Variants in DOCK8 observed in about 807,000 individuals in gnomAD.
The protein encoded by DOCK8 is dedicator of cytokinesis 8, also known as dedicator of cytokinesis protein 8.
A neutral mutation model predicts 245.6 loss-of-function variants in DOCK8; 141 were observed. The ratio of observed to expected loss-of-function variants is 0.57; its 90% CI spans 0.50 to 0.66. DOCK8 has a LOEUF of 0.66. DOCK8 is among the 30% of genes least tolerant of loss of function. The probability of loss-of-function intolerance (pLI) is 0.00; values close to 1 mark genes in which losing one functional copy is unlikely to be tolerated. For synonymous variants in DOCK8, 1,168 were observed against 970.2 expected, an observed-to-expected ratio of 1.20 and a Z score of -3.79; for missense variants, 2,965 against 2,603.4, an observed-to-expected ratio of 1.14 and a Z score of -3.02.
At chr9:433,827 C>A (rs554741742) in intron 37 of DOCK8, 48 bp from the exon 38 acceptor site, 3 of 1,464,334 alleles carry the variant, frequency 2.0e-6, no homozygotes, top group East Asian at 2.3e-5. Context: ...TAACTCTTCA[C>A]CTGGGACTAC....
chr9:253,484 A>C (rs2047698038), intron 1 of DOCK8, among the ~76,000 whole-genome samples: 1 of 152,194 alleles, frequency 6.6e-6, no homozygotes, highest in Non-Finnish European at 1.5e-5. Flanking sequence ...CACCTGCAAG[A>C]TTTGTTAGGC....
intron 1 of DOCK8, among the ~76,000 whole-genome samples, chr9:271,109 T>C (rs533378148): frequency 3.9e-5 from 6 of 152,256 alleles, no homozygotes; most frequent in Non-Finnish European, 8.8e-5. Flanking sequence ...AATACAATCA[T>C]TGGGAATTCC....
Position 340,200 on chromosome 9 carries a change from A to G in DOCK8, c.1558A>G (p.Asn520Asp), listed in dbSNP as rs1423486716. Residue 520 changes from asparagine (N) to aspartate (D), a missense_variant, in exon 14 of 48, where the codon AAT becomes GAT. Asn to Asp is a conservative substitution (Grantham distance 23, BLOSUM62 1). This residue lies in a region of DOCK8 where 2,825 missense variants were observed against 2,453.5 expected (regional missense o/e 1.15). Coordinates refer to ENST00000432829, the MANE Select transcript of DOCK8 (RefSeq NM_203447.4). The part of the protein sequence containing the change: ...LEISTAPEII[N>D]CCLTPEMLPV... Reference sequence around the variant, plus strand: ...GATTTCTACAGCTCCAGAGATCATCAATTGCTGTCTGACTCCTGAAATGCT... The same window carrying G: ...GATTTCTACAGCTCCAGAGATCATCGATTGCTGTCTGACTCCTGAAATGCT... 6.2e-7 allele frequency: 1 copy of G among 1,614,010 alleles called. No homozygotes were observed. Among genetic ancestry groups the G allele is most frequent in the Non-Finnish European group, 8.5e-7 (1 of 1,180,016 alleles).
intron 34 of DOCK8, 135 bp downstream of exon 34, chr9:427,116 G>A (rs1232990475): frequency 1.3e-6 from 1 of 768,956 alleles, no homozygotes. Flanking sequence ...AAGTTGAGAA[G>A]TTTACTATTT....
chr9:217,620 G>T (rs1011612958), intron 1 of DOCK8, among the ~76,000 whole-genome samples: 2 of 152,280 alleles, frequency 1.3e-5, no homozygotes, highest in Non-Finnish European at 2.9e-5. Context: ...GTTATGCTAA[G>T]GAGCTTGGCA....
chr9:424,133 A>G (rs2056390744), intron 33 of DOCK8, among the ~76,000 whole-genome samples: 1 of 151,598 alleles, frequency 6.6e-6, no homozygotes, highest in Non-Finnish European at 1.5e-5. Context: ...TGGAAAATTT[A>G]TAATTATAAT....
intron 12 of DOCK8, 119 bp downstream of exon 12, chr9:336,837 G>A: frequency 8.4e-7 from 1 of 1,196,378 alleles, no homozygotes; most frequent in Non-Finnish European, 1.2e-6. Flanking sequence ...CACTCTCTTA[G>A]TTCATTTTCT....
rs1484683898 is a variant in DOCK8 at position 339,753 on chromosome 9, A to G, written c.1517-406A>G. Among the ~76,000 whole-genome samples, 3 of 152,158 alleles carry G rather than the reference A, an allele frequency of 2.0e-5. No individual in the cohort carries two copies. In the East Asian group the frequency reaches 5.8e-4, roughly 29 times the overall value. ...ATTGTCTCGATCTCTTGACCTCGTG[A>G]TCCACCTGCCTCGGCCTCCCAGAGT... On this transcript the variant is annotated intron_variant, in intron 13 of 47. Coordinates refer to ENST00000432829, the MANE Select transcript of DOCK8 (RefSeq NM_203447.4).
intron 1 of DOCK8, among the ~76,000 whole-genome samples, chr9:237,760 G>A (rs1410039582): frequency 6.6e-6 from 1 of 152,088 alleles, no homozygotes; most frequent in Admixed American, 6.5e-5. Flanking sequence ...AAGCAGCCGG[G>A]TTGTTCAGCC....
At position 305,361 on chromosome 9, in the gene DOCK8, C is replaced by G. The variant is rs757968388; in HGVS notation, c.528+657C>G. ...GCAGTGGCACGATCTTGGCTCACTGCAAGCTCCGCCTCCCGGGTTCACGCC... is the reference window on the plus strand; with the variant it reads ...GCAGTGGCACGATCTTGGCTCACTGGAAGCTCCGCCTCCCGGGTTCACGCC... On this transcript the variant is annotated intron_variant, in intron 5 of 47. Coordinates refer to ENST00000432829, the MANE Select transcript of DOCK8 (RefSeq NM_203447.4). 2.0e-5 allele frequency among the ~76,000 whole-genome samples: 3 copies of G among 151,962 alleles called. No homozygotes were observed. In the East Asian group the frequency reaches 5.8e-4, roughly 29 times the overall value.
intron 35 of DOCK8, among the ~76,000 whole-genome samples, chr9:428,887 G>C (rs1232062465): frequency 6.6e-6 from 1 of 152,238 alleles, no homozygotes; most frequent in East Asian, 1.9e-4. Flanking sequence ...AAAATGCCAG[G>C]AAGGTCAGAA....
Position 348,098 on chromosome 9 carries a change from C to G in DOCK8, c.1679+7777C>G, listed in dbSNP as rs1285957461. ...GGATTTTATTCTAGCCTGTCAGTTT[C>G]TGCCTCCTTTCATTAGTAAGTCCTG... On this transcript the variant is annotated intron_variant, in intron 14 of 47. Coordinates refer to ENST00000432829, the MANE Select transcript of DOCK8 (RefSeq NM_203447.4). Among the ~76,000 whole-genome samples the G allele has an allele frequency of 2.0e-5, 3 of 152,202 alleles. No individual in the cohort carries two copies. In the South Asian group the frequency reaches 6.2e-4, roughly 32 times the overall value.
intron 1 of DOCK8, among the ~76,000 whole-genome samples, chr9:258,412 G>A (rs547631536): frequency 6.6e-6 from 1 of 152,296 alleles, no homozygotes; most frequent in South Asian, 2.1e-4. Context: ...TCACAAATCA[G>A]AGTGGAGAAA....
rs882640 is a variant in DOCK8 at position 317,370 on chromosome 9, G to C, written c.827+242G>C. Among the ~76,000 whole-genome samples, 39,722 of 151,958 alleles carry C rather than the reference G, an allele frequency of 0.26. 5,508 individuals are homozygous for C. The highest frequency in any genetic ancestry group is 0.35 in the African/African-American group (14,460 of 41,424). ...CAAACACACGTGTCTACTAAAGTTAGGCAGGTAAGGTCATTGAGTGAAATG... is the reference window on the plus strand; with the variant it reads ...CAAACACACGTGTCTACTAAAGTTACGCAGGTAAGGTCATTGAGTGAAATG... On this transcript the variant is annotated intron_variant, in intron 7 of 47. Transcript: ENST00000432829.
chr9:442,100 T>C lies in DOCK8; in HGVS notation c.5490+91T>C. 1.9e-6 allele frequency: 3 copies of C among 1,547,884 alleles called. No individual in the cohort carries two copies. In the South Asian group the frequency reaches 3.4e-5, roughly 17 times the overall value. On this transcript the variant is annotated intron_variant, in intron 42 of 47. Coordinates refer to ENST00000432829, the MANE Select transcript of DOCK8 (RefSeq NM_203447.4). The stretch of plus-strand genomic sequence containing the variant: ...CACCAAAAATAAACAAATAAAGAGT[T>C]ATGGATTCATCATTGATCTCTACAT...
At chr9:385,096 G>C (rs981197266) in intron 22 of DOCK8, among the ~76,000 whole-genome samples, 1 of 152,070 alleles carries the variant, frequency 6.6e-6, no homozygotes, top group Non-Finnish European at 1.5e-5. Context: ...TGATTGCTTA[G>C]TTTTCCAGAA....
intron 35 of DOCK8, 64 bp from the exon 36 acceptor site, chr9:429,638 C>G (rs2056635107): frequency 1.3e-6 from 2 of 1,596,558 alleles, no homozygotes; most frequent in Non-Finnish European, 1.7e-6. Context: ...TTGCATATTT[C>G]AACGGTCCAG....
In DOCK8 at chr9:214,937, C is replaced by G. The variant is rs1443095636; in HGVS notation, c.-40C>G. The G allele has an allele frequency of 1.2e-6, 2 of 1,604,544 alleles. No individual in the cohort carries two copies. The highest frequency in any genetic ancestry group is 2.2e-5 in the South Asian group (2 of 89,916). On this transcript the variant is annotated 5_prime_UTR_variant, in exon 1 of 48. Transcript: ENST00000432829. The stretch of plus-strand genomic sequence containing the variant: ...CGGCGCGCCAGGCCCCCGCTTTCCG[C>G]ACCCCGCGACCCTAGAAGCCACCGA...
intron 1 of DOCK8, among the ~76,000 whole-genome samples, chr9:250,977 C>G (rs1464740846): frequency 6.6e-6 from 1 of 152,112 alleles, no homozygotes; most frequent in Non-Finnish European, 1.5e-5. Context: ...GGAAGGCCCT[C>G]TGATGAAGGG....
Sources: allele counts gnomAD v4.1 joint callset (sites outside exome capture counted in the v4.1 genomes callset), GRCh38; gene constraint gnomAD v4.1.1; regional missense constraint gnomAD v4.1.1; transcripts MANE v1.5; gene names NCBI Gene and HGNC (gene_info 2026-07-23, HGNC 2026-07-21).